The following COL19A1 variants were observed in gnomAD, a reference collection of about 807,000 sequenced individuals.
COL19A1 encodes the protein collagen type XIX alpha 1 chain.
Under a neutral mutation model 190.2 loss-of-function variants are expected in COL19A1, and 159 were observed. That is an observed-to-expected ratio of 0.84 (90% CI 0.73 to 0.95). The LOEUF is 0.95. COL19A1 is among the 40% of genes least tolerant of loss of function. The pLI is 0.00. For synonymous variants in COL19A1, 509 were observed against 458.9 expected (o/e 1.11, Z -1.39); for missense variants, 1,418 against 1,431.9 (o/e 0.99, Z 0.16).
chr6:70,106,797 T>C (rs540157650), intron 16 of COL19A1, among the ~76,000 whole-genome samples: 77 of 152,278 alleles, frequency 5.1e-4, no homozygotes, highest in Non-Finnish European at 8.8e-4. Context: ...ATATTCTTCA[T>C]TGGAGGGAAA....
At chr6:70,144,318 G>GTGTTAAGTAGATAGGAGGAAGAGAC in intron 24 of COL19A1, 55 bp downstream of exon 24, 3 of 470,800 alleles carry the variant, frequency 6.4e-6, no homozygotes, top group Non-Finnish European at 8.5e-6. Context: ...GGAAGAGACA[G>GTGTTAAGTAGATAGGAGGAAGAGAC]AGGATCATAA....
intron 4 of COL19A1, among the ~76,000 whole-genome samples, chr6:69,905,341 C>T (rs756766735): frequency 8.9e-4 from 136 of 152,206 alleles, no homozygotes; most frequent in Non-Finnish European, 1.8e-3. Flanking sequence ...CTAGGTCTCT[C>T]AAACTGTTCG....
intron 9 of COL19A1, among the ~76,000 whole-genome samples, chr6:69,946,522 TA>T (rs1327558943): frequency 2.0e-5 from 3 of 151,972 alleles, no homozygotes; most frequent in South Asian, 2.1e-4. Flanking sequence ...AGCACTTAGA[TA>T]TTTACGAATT....
intron 17 of COL19A1, among the ~76,000 whole-genome samples, chr6:70,129,526 T>C (rs1785396438): frequency 1.3e-5 from 2 of 152,218 alleles, no homozygotes; most frequent in African/African-American, 4.8e-5. Context: ...TGCATGCACA[T>C]GGGTTGGTAC....
At chr6:70,102,697 T>C (rs1783710255) in intron 16 of COL19A1, among the ~76,000 whole-genome samples, 1 of 152,168 alleles carries the variant, frequency 6.6e-6, no homozygotes, top group Non-Finnish European at 1.5e-5. Context: ...ACCAGTTAGC[T>C]TATCTGGATC....
intron 11 of COL19A1, among the ~76,000 whole-genome samples, chr6:69,987,449 C>T (rs1451306107): frequency 6.6e-6 from 1 of 152,162 alleles, no homozygotes; most frequent in Non-Finnish European, 1.5e-5. Flanking sequence ...TCATTGGCTA[C>T]TGAGAAGGAT....
chr6:70,048,293 T>C (rs1780014519), intron 14 of COL19A1, among the ~76,000 whole-genome samples: 1 of 152,104 alleles, frequency 6.6e-6, no homozygotes, highest in Non-Finnish European at 1.5e-5. Context: ...CATATAGTGT[T>C]CACATAAGGG....
chr6:70,147,541 G>A (rs1395635358), intron 27 of COL19A1, among the ~76,000 whole-genome samples: 1 of 152,092 alleles, frequency 6.6e-6, no homozygotes, highest in African/African-American at 2.4e-5. Flanking sequence ...TTATTCTAAT[G>A]ACATTAATTT....
At chr6:69,954,795 A>G (rs1475368337) in intron 9 of COL19A1, among the ~76,000 whole-genome samples, 1 of 151,980 alleles carries the variant, frequency 6.6e-6, no homozygotes, top group African/African-American at 2.4e-5. Context: ...CTTCATAACC[A>G]TTTACTTCAG....
chr6:70,050,279 T>C (rs1449836839), intron 14 of COL19A1, among the ~76,000 whole-genome samples: 1 of 152,084 alleles, frequency 6.6e-6, no homozygotes, highest in Non-Finnish European at 1.5e-5. Context: ...AAAATATCAA[T>C]AGCAATGAGC....
At chr6:69,901,606 C>T (rs1561978467) in intron 4 of COL19A1, among the ~76,000 whole-genome samples, 1 of 152,194 alleles carries the variant, frequency 6.6e-6, no homozygotes, top group Non-Finnish European at 1.5e-5. Context: ...TCTCAGGGTA[C>T]AGCAGTTCCA....
At chr6:69,940,132 G>A (rs1773381265) in intron 9 of COL19A1, among the ~76,000 whole-genome samples, 1 of 151,544 alleles carries the variant, frequency 6.6e-6, no homozygotes, top group Admixed American at 6.6e-5. Context: ...TTTAAAAATC[G>A]TTAAATCTAC....
intron 11 of COL19A1, among the ~76,000 whole-genome samples, chr6:69,982,598 T>A: frequency 6.6e-6 from 1 of 151,892 alleles, no homozygotes; most frequent in South Asian, 2.1e-4. Flanking sequence ...AGTGAGTATT[T>A]AGTAGGGAAA....
At chr6:69,869,036 GA>G (rs34233318) in intron 1 of COL19A1, among the ~76,000 whole-genome samples, 101,989 of 148,702 alleles carry the variant, frequency 0.69, 34,687 homozygotes, top group Middle Eastern at 0.76. Context: ...AAAGATGCTG[GA>G]AAAAAAAAAA....
chr6:69,953,497 A>T (rs1368864179), intron 9 of COL19A1, among the ~76,000 whole-genome samples: 5 of 152,080 alleles, frequency 3.3e-5, no homozygotes, highest in Admixed American at 6.6e-5. Flanking sequence ...ATCTATAGAC[A>T]TATATTGATA....
At position 70,139,874 on chromosome 6, in the gene COL19A1, G is replaced by C. The variant is rs60828785; in HGVS notation, c.1447-1080G>C. ...CTTGCCTCAAATAGTAGCCATTGGA[G>C]CCAGGACTAAATATCAAGTATCTAG... On this transcript the variant is annotated intron_variant, in intron 19 of 50. Coordinates refer to ENST00000620364, the MANE Select transcript of COL19A1 (RefSeq NM_001858.6). Among the ~76,000 whole-genome samples the C allele has an allele frequency of 2.2e-3, 341 of 151,664 alleles. 1 individual carries two copies. Among genetic ancestry groups the C allele is most frequent in the African/African-American group, 7.7e-3 (320 of 41,366 alleles).
chr6:70,070,939 G>A (rs1310779246), intron 15 of COL19A1, among the ~76,000 whole-genome samples: 1 of 152,108 alleles, frequency 6.6e-6, no homozygotes, highest in East Asian at 1.9e-4. Context: ...TTTTAATTGA[G>A]TGGTTGACCA....
intron 14 of COL19A1, among the ~76,000 whole-genome samples, chr6:70,062,797 A>C (rs542862023): frequency 8.9e-4 from 135 of 152,296 alleles, no homozygotes; most frequent in African/African-American, 3.1e-3. Flanking sequence ...TCTACCAAGC[A>C]AATGGAAAAC....
intron 9 of COL19A1, among the ~76,000 whole-genome samples, chr6:69,941,087 C>A (rs533262921): frequency 1.3e-5 from 2 of 152,214 alleles, no homozygotes; most frequent in South Asian, 4.1e-4. Flanking sequence ...ATCAGAAGTG[C>A]AATGTTACTA....
Sources: allele counts gnomAD v4.1 joint callset (sites outside exome capture counted in the v4.1 genomes callset), GRCh38; gene constraint gnomAD v4.1.1; transcripts MANE v1.5; gene names NCBI Gene and HGNC (gene_info 2026-07-23, HGNC 2026-07-21).